CEACAM20: variants seen among roughly 807,000 people sequenced by gnomAD.
The protein encoded by CEACAM20 is cell adhesion molecule CEACAM20.
Under a neutral mutation model 61.2 loss-of-function variants are expected in CEACAM20, and 50 were observed. The ratio of observed to expected loss-of-function variants is 0.82; its 90% CI spans 0.65 to 1.03. The LOEUF is 1.03. CEACAM20 is among the 50% of genes least tolerant of loss of function. The pLI, the probability that CEACAM20 is intolerant of heterozygous loss-of-function variation, is 0.00. For synonymous variants in CEACAM20, 282 were observed against 287.7 expected (o/e 0.98, Z 0.20); for missense variants, 683 against 736.4 (o/e 0.93, Z 0.84).
intron 6 of CEACAM20, among the ~76,000 whole-genome samples, chr19:44,516,676 A>G (rs1382765543): frequency 3.9e-5 from 6 of 152,180 alleles, no homozygotes; most frequent in African/African-American, 9.7e-5. Context: ...ATGAAAATGG[A>G]CTAATACACA....
intron 6 of CEACAM20, among the ~76,000 whole-genome samples, chr19:44,515,704 C>T (rs559047542): frequency 7.9e-5 from 12 of 152,278 alleles, no homozygotes; most frequent in Admixed American, 7.8e-4. Context: ...TGGCTCAAGT[C>T]TGTAATCTCA....
At chr19:44,513,443 C>CTTTTTT (rs398034749) in intron 6 of CEACAM20, among the ~76,000 whole-genome samples, 154 bp from the exon 7 acceptor site, 1 of 117,122 alleles carries the variant, frequency 8.5e-6, no homozygotes, top group Non-Finnish European at 1.7e-5. Flanking sequence ...TTTGGTTTTG[C>CTTTTTT]TTTTTTTTTT....
At position 44,516,970 on chromosome 19, in the gene CEACAM20, T is replaced by A; in HGVS notation, c.1285A>T (p.Thr429Ser). 1 of 1,598,838 alleles carries A rather than the reference T, an allele frequency of 6.3e-7. No individual in the cohort carries two copies. Among genetic ancestry groups the A allele is most frequent in the South Asian group, 1.1e-5 (1 of 88,164 alleles). Residue 429 changes from threonine to serine, a missense_variant, in exon 6 of 12, where the codon ACT becomes TCT. Transcript: ENST00000614924. ...SNSLTGLARS[T>S]SVLVKVVGPQ... is the part of the protein sequence containing the mutation. Reference sequence around the variant, plus strand: ...CCTACCACCTTGACCAGGACTGAAGTGGAGCGGGCCAGGCCAGTGAGAGAG... The same window carrying A: ...CCTACCACCTTGACCAGGACTGAAGAGGAGCGGGCCAGGCCAGTGAGAGAG...
chr19:44,516,935 G>A lies in CEACAM20; in HGVS notation c.1309+11C>T, dbSNP rs1479224008. On this transcript the variant is annotated intron_variant, in intron 6 of 11. Transcript: ENST00000614924. ...TCGGGTCCTGGGAGAAGGCGACCCT[G>A]AGAGACTCACCTACCACCTTGACCA... 6.3e-7 allele frequency: 1 copy of A among 1,589,282 alleles called. No homozygotes were observed. Among genetic ancestry groups the A allele is most frequent in the Non-Finnish European group, 8.6e-7 (1 of 1,168,326 alleles).
chr19:44,513,312 G>A (rs1971062553), intron 6 of CEACAM20, 23 bp from the exon 7 acceptor site: 3 of 1,545,928 alleles, frequency 1.9e-6, no homozygotes, highest in African/African-American at 2.7e-5. Flanking sequence ...ACAGAATCAA[G>A]ACCCAGGCTT....
rs773608197 is a variant in CEACAM20, at chr19:44,506,206, C to T, written c.1746G>A (p.Val582=). The T allele has an allele frequency of 3.7e-6, 6 of 1,613,634 alleles. No homozygotes were observed. The Admixed American group carries it at 5.0e-5, about 13-fold the overall frequency. Reference sequence around the variant, plus strand: ...GGATGTAAGTGTTGGGCTCTGGATTCACAAGCTCCTGTTAAACAAAGAGAA... The same window carrying T: ...GGATGTAAGTGTTGGGCTCTGGATTTACAAGCTCCTGTTAAACAAAGAGAA... The part of the protein sequence containing the change: ...KNMESIYEEL[V]NPEPNTYIQI... Residue 582 remains valine, a synonymous_variant, in exon 12 of 12, where the codon GTG becomes GTA. Transcript: ENST00000614924.
In CEACAM20 at chr19:44,511,669, G is replaced by A. The variant is rs747580894; in HGVS notation, c.1579C>T (p.Gln527Ter). ...GTCTCCTCTGGAAGGTCTGGTGGTTGCATCTGGGGAAAAACAAAGTTGCAG... is the reference window on the plus strand; with the variant it reads ...GTCTCCTCTGGAAGGTCTGGTGGTTACATCTGGGGAAAAACAAAGTTGCAG... ...LQGRIRVELM[Q>*]PPDLPEETYE... The change falls in exon 10 of 12, where the codon CAA becomes TAA. Residue 527 changes from glutamine to a stop codon, truncating the protein, a stop_gained. Transcript: ENST00000614924. LOFTEE classifies it high-confidence loss of function. 1.2e-6 allele frequency: 2 copies of A among 1,612,506 alleles called. No individual in the cohort carries two copies. Among genetic ancestry groups the A allele is most frequent in the Non-Finnish European group, 1.7e-6 (2 of 1,179,472 alleles).
In CEACAM20 at chr19:44,522,629, C is replaced by G. The variant is rs2123618665; in HGVS notation, c.751+5G>C. The G allele has an allele frequency of 6.2e-7, 1 of 1,610,326 alleles. No homozygotes were observed. Among genetic ancestry groups the G allele is most frequent in the East Asian group, 2.2e-5 (1 of 44,814 alleles). Reference sequence around the variant, plus strand: ...GAAGGAGAGGAACCGGGAAAGGAGACTCACCAAGTACTCGGACCTTCAGAG... The same window carrying G: ...GAAGGAGAGGAACCGGGAAAGGAGAGTCACCAAGTACTCGGACCTTCAGAG... On this transcript the variant is annotated splice_donor_5th_base_variant and intron_variant, in intron 4 of 11. Transcript: ENST00000614924.
chr19:44,514,964 G>A (rs1018127451), intron 6 of CEACAM20, among the ~76,000 whole-genome samples: 6 of 151,522 alleles, frequency 4.0e-5, no homozygotes, highest in Admixed American at 6.6e-5. Context: ...TCAGCCTCCC[G>A]AGTAGTGTGA....
rs57244256 is a variant in CEACAM20, at chr19:44,520,845, CGTGTGTGT to C, written c.752-101_752-94del. On this transcript the variant is annotated intron_variant, in intron 4 of 11. Transcript: ENST00000614924. ...CCACAAGTTTTTCCAGGAGTGCGTG[CGTGTGTGT>C]GTGTGTGTGTGTGTGTTACAGGTGG... 1.2e-3 allele frequency: 1,163 copies of C among 969,968 alleles called. 1 individual carries two copies. Among genetic ancestry groups the C allele is most frequent in the African/African-American group, 7.7e-3 (445 of 57,798 alleles). 60.1% of individuals were successfully genotyped at this position (969,968 alleles called of 1,614,324 possible). A position where few individuals can be genotyped will look rare whatever the true frequency, so the allele number is the denominator to read the frequency against.
chr19:44,511,029 C>A lies in CEACAM20; in HGVS notation c.1737+1G>T, dbSNP rs1488007725. On this transcript the variant is annotated splice_donor_variant, in intron 11 of 11. Transcript: ENST00000614924. LOFTEE classifies it high-confidence loss of function. ...AAAGACTCAGTGTGGCATAAACATA[C>A]CTCATAGATTGACTCCATGTTTTTT... 2 of 1,613,804 alleles carry A rather than the reference C, an allele frequency of 1.2e-6. No homozygotes were observed. The highest frequency in any genetic ancestry group is 2.7e-5 in the African/African-American group (2 of 74,932).
chr19:44,511,359 C>T (rs1254595363), intron 10 of CEACAM20, among the ~76,000 whole-genome samples: 1 of 152,220 alleles, frequency 6.6e-6, no homozygotes. Context: ...AACCTCTACT[C>T]CCAGCCTCCT....
chr19:44,523,002 T>TGA, intron 3 of CEACAM20, 90 bp from the exon 4 acceptor site: 3 of 1,114,198 alleles, frequency 2.7e-6, no homozygotes, highest in Non-Finnish European at 3.9e-6. Flanking sequence ...AATACTTTAT[T>TGA]TCCCTCCTCC....
chr19:44,526,674 C>T (rs993860604), intron 1 of CEACAM20, among the ~76,000 whole-genome samples: 4 of 151,752 alleles, frequency 2.6e-5, no homozygotes, highest in Admixed American at 2.0e-4. Flanking sequence ...GACAAGAGTT[C>T]GAGACCTGGT....
At position 44,520,537 on chromosome 19, in the gene CEACAM20, C is replaced by A; in HGVS notation, c.967G>T (p.Ala323Ser). The change falls in exon 5 of 12, where the codon GCC (alanine) becomes TCC (serine). Residue 323 changes from alanine (A) to serine (S), a missense_variant. Physicochemically the swap from Ala to Ser is moderately conservative, Grantham distance 99 (BLOSUM62 1). Coordinates refer to ENST00000614924, the MANE Select transcript of CEACAM20 (RefSeq NM_001102597.3). ...GLQRNDTGPYACEVWNWGSRA... is the reference protein window; with the variant it reads ...GLQRNDTGPYSCEVWNWGSRA... ...CTGCCCCAGTTCCAGACCTCACAGG[C>A]ATAGGGCCCGGTGTCATTCCGCTGG... 1 of 1,614,026 alleles carries A rather than the reference C, an allele frequency of 6.2e-7. No individual in the cohort carries two copies.
chr19:44,511,614 C>G, intron 10 of CEACAM20, 23 bp downstream of exon 10: 2 of 1,609,512 alleles, frequency 1.2e-6, no homozygotes, highest in Non-Finnish European at 1.7e-6. Flanking sequence ...ATTCTTTAAC[C>G]AAACCCAGCA....
chr19:44,518,458 G>T (rs74260494), intron 5 of CEACAM20, among the ~76,000 whole-genome samples: 6,249 of 152,054 alleles, frequency 0.041, 201 homozygotes, highest in East Asian at 0.083. Context: ...AAGAGTTTAG[G>T]CCTGGGGCTG....
chr19:44,526,889 A>G (rs1449117153), intron 1 of CEACAM20, among the ~76,000 whole-genome samples: 1 of 149,720 alleles, frequency 6.7e-6, no homozygotes, highest in African/African-American at 2.5e-5. Context: ...CAAACAAACA[A>G]ACAAAAAAAA....
chr19:44,528,201 C>A (rs1971593556), intron 1 of CEACAM20, among the ~76,000 whole-genome samples: 1 of 145,626 alleles, frequency 6.9e-6, no homozygotes, highest in South Asian at 2.2e-4. Context: ...TCTTTCCTTT[C>A]TTTCTCTCTC....
Sources: allele counts gnomAD v4.1 joint callset (sites outside exome capture counted in the v4.1 genomes callset), GRCh38; gene constraint gnomAD v4.1.1; transcripts MANE v1.5; gene names NCBI Gene and HGNC (gene_info 2026-07-23, HGNC 2026-07-21).